SORCS2: variants seen among roughly 807,000 people sequenced by gnomAD.
SORCS2 encodes VPS10 domain-containing receptor SorCS2.
A neutral mutation model predicts 141.6 loss-of-function variants in SORCS2; 100 were observed. The ratio of observed to expected loss-of-function variants is 0.71; its 90% CI spans 0.60 to 0.83. The LOEUF (loss-of-function observed/expected upper bound fraction) is 0.83, where lower values mean the gene tolerates loss of function less well. Among genes scored for constraint, SORCS2 ranks in the 40% least tolerant of loss-of-function variants. SORCS2 has a pLI of 0.00. For synonymous variants in SORCS2, 789 were observed against 676.9 expected, an observed-to-expected ratio of 1.17 and a Z score of -2.57; for missense variants, 1,646 against 1,560.2, an observed-to-expected ratio of 1.05 and a Z score of -0.93.
chr4:7,391,795 G>A (rs1723881033), intron 1 of SORCS2, among the ~76,000 whole-genome samples: 1 of 152,158 alleles, frequency 6.6e-6, no homozygotes, highest in Non-Finnish European at 1.5e-5. Context: ...GTTCCTGTGA[G>A]CTCTGTTGTT....
At chr4:7,230,646 TA>T in intron 1 of SORCS2, among the ~76,000 whole-genome samples, 1 of 102,076 alleles carries the variant, frequency 9.8e-6, no homozygotes, top group Non-Finnish European at 2.1e-5. Context: ...TGTGCTCATG[TA>T]TGAAGGAGAT....
chr4:7,601,267 A>G (rs1428687215), intron 3 of SORCS2, among the ~76,000 whole-genome samples: 3 of 152,058 alleles, frequency 2.0e-5, no homozygotes, highest in Admixed American at 6.6e-5. Flanking sequence ...TGTTTTGCCT[A>G]GGATTTTAGT....
chr4:7,415,205 A>G (rs1351628028), intron 2 of SORCS2, among the ~76,000 whole-genome samples: 1 of 152,234 alleles, frequency 6.6e-6, no homozygotes, highest in Non-Finnish European at 1.5e-5. Flanking sequence ...GACCACAAAC[A>G]TAGGACTTGA....
intron 4 of SORCS2, 150 bp downstream of exon 4, chr4:7,638,642 A>C: frequency 2.5e-6 from 2 of 795,962 alleles, no homozygotes; most frequent in African/African-American, 1.8e-5. Context: ...GGGATGCTGG[A>C]CCCCGTCATC....
intron 3 of SORCS2, among the ~76,000 whole-genome samples, chr4:7,633,760 T>A (rs1217385421): frequency 6.6e-6 from 1 of 152,194 alleles, no homozygotes; most frequent in Non-Finnish European, 1.5e-5. Context: ...ATGGCATTGT[T>A]CATTCACTCA....
At chr4:7,529,640 A>C (rs1733905528) in intron 2 of SORCS2, among the ~76,000 whole-genome samples, 1 of 152,188 alleles carries the variant, frequency 6.6e-6, no homozygotes. Flanking sequence ...ATGGCTCAGC[A>C]GGGTGGGGAA....
chr4:7,450,892 A>G (rs1441797523), intron 2 of SORCS2, among the ~76,000 whole-genome samples: 1 of 151,856 alleles, frequency 6.6e-6, no homozygotes, highest in Non-Finnish European at 1.5e-5. Flanking sequence ...GAGTGGGTGA[A>G]TGAGTGAGGG....
In SORCS2 at chr4:7,286,836, G is replaced by C. The variant is rs1393299283; in HGVS notation, c.480+93710G>C. Reference sequence around the variant, plus strand: ...GTGGAACCTGGGTGCTGCTTTTCAGGGTACAGGAGCTATGGAAGGTCCCAA... The same window carrying C: ...GTGGAACCTGGGTGCTGCTTTTCAGCGTACAGGAGCTATGGAAGGTCCCAA... On this transcript the variant is annotated intron_variant, in intron 1 of 26. Transcript: ENST00000507866. The surrounding 1 kb of genome is among the most constrained non-coding windows in gnomAD (Gnocchi z 4.1). 6.6e-6 allele frequency among the ~76,000 whole-genome samples: 1 copy of C among 152,202 alleles called. No individual in the cohort carries two copies. The highest frequency in any genetic ancestry group is 1.9e-4 in the East Asian group (1 of 5,184).
intron 1 of SORCS2, among the ~76,000 whole-genome samples, chr4:7,367,015 C>G (rs952848791): frequency 6.6e-6 from 1 of 152,212 alleles, no homozygotes; most frequent in Non-Finnish European, 1.5e-5. Context: ...GTGAGCTTCC[C>G]AAGCCGGCTG....
At chr4:7,241,034 A>G (rs1712659910) in intron 1 of SORCS2, among the ~76,000 whole-genome samples, 1 of 152,196 alleles carries the variant, frequency 6.6e-6, no homozygotes, top group Non-Finnish European at 1.5e-5. Context: ...TCCCGGGATC[A>G]AGAGATTCTC....
intron 18 of SORCS2, 79 bp downstream of exon 18, chr4:7,718,262 A>T (rs563000138): frequency 1.3e-6 from 2 of 1,512,468 alleles, no homozygotes; most frequent in African/African-American, 1.4e-5. Flanking sequence ...AGGCACGGTG[A>T]GGGTGTCTCC....
intron 1 of SORCS2, among the ~76,000 whole-genome samples, chr4:7,391,004 T>C (rs898421192): frequency 1.3e-5 from 2 of 152,166 alleles, no homozygotes; most frequent in African/African-American, 2.4e-5. Context: ...GTCTATGTTC[T>C]GATTTCTGGT....
chr4:7,277,032 A>G (rs1457147279), intron 1 of SORCS2, among the ~76,000 whole-genome samples: 2 of 150,166 alleles, frequency 1.3e-5, no homozygotes, highest in Admixed American at 6.8e-5. Flanking sequence ...CACCTTGGCT[A>G]TGTTAACTGT....
intron 2 of SORCS2, among the ~76,000 whole-genome samples, chr4:7,527,745 G>T (rs74535960): frequency 2.6e-5 from 4 of 152,084 alleles, no homozygotes; most frequent in African/African-American, 7.3e-5. Flanking sequence ...CTGAGCCTGG[G>T]GCCCTCATGC....
At chr4:7,452,119 C>T (rs1294903244) in intron 2 of SORCS2, among the ~76,000 whole-genome samples, 1 of 152,066 alleles carries the variant, frequency 6.6e-6, no homozygotes, top group Non-Finnish European at 1.5e-5. Context: ...ACAGCTCCCA[C>T]TCTGCCTTCC....
chr4:7,377,042 A>C (rs1388601923), intron 1 of SORCS2, among the ~76,000 whole-genome samples: 1 of 152,176 alleles, frequency 6.6e-6, no homozygotes, highest in Non-Finnish European at 1.5e-5. Context: ...CTCATGGAGG[A>C]AAGAGGCATA....
chr4:7,666,704 G>A (rs1722523695), intron 7 of SORCS2, among the ~76,000 whole-genome samples: 1 of 152,184 alleles, frequency 6.6e-6, no homozygotes, highest in African/African-American at 2.4e-5. Flanking sequence ...GGGGTTGATT[G>A]TTATGAGGTC....
At chr4:7,353,193 A>T (rs1721052094) in intron 1 of SORCS2, among the ~76,000 whole-genome samples, 1 of 152,184 alleles carries the variant, frequency 6.6e-6, no homozygotes, top group Admixed American at 6.5e-5. Flanking sequence ...GGGCAGGGCC[A>T]TCCCTGCAGA....
intron 2 of SORCS2, among the ~76,000 whole-genome samples, chr4:7,444,959 G>A (rs1053736208): frequency 6.6e-6 from 1 of 152,270 alleles, no homozygotes; most frequent in East Asian, 1.9e-4. Context: ...GACCCAGGCA[G>A]GCAGACCTGT....
Sources: allele counts gnomAD v4.1 joint callset (sites outside exome capture counted in the v4.1 genomes callset), GRCh38; gene constraint gnomAD v4.1.1; non-coding constraint Gnocchi (gnomAD v3.1); transcripts MANE v1.5; gene names NCBI Gene and HGNC (gene_info 2026-07-23, HGNC 2026-07-21).